CTDSPL2: variants seen among roughly 807,000 people sequenced by gnomAD.
CTDSPL2 encodes CTD small phosphatase like 2, also known as CTD small phosphatase-like protein 2.
CTDSPL2 carries 5 observed loss-of-function variants against 60.0 expected under a neutral mutation model. That is an observed-to-expected ratio of 0.08 (90% CI 0.04 to 0.18). The LOEUF is 0.18. Ranked by LOEUF, CTDSPL2 falls within the 10% of genes least tolerant of loss-of-function variation. The pLI, the probability that CTDSPL2 is intolerant of heterozygous loss-of-function variation, is 1.00. For missense variants in CTDSPL2, 370 were observed against 548.8 expected, an observed-to-expected ratio of 0.67 and a Z score of 3.26; for synonymous variants, 186 against 189.3, an observed-to-expected ratio of 0.98 and a Z score of 0.14.
chr15:44,495,231 A>G (rs1352371843), intron 5 of CTDSPL2, among the ~76,000 whole-genome samples: 16 of 152,088 alleles, frequency 1.1e-4, no homozygotes, highest in Non-Finnish European at 2.4e-4. Context: ...TGGCCTCCCA[A>G]AGTGCTGGGA....
In CTDSPL2 at chr15:44,524,720, AG is replaced by A. The variant is rs1188280055; in HGVS notation, c.*547del. 6.6e-6 allele frequency: 1 copy of A among 152,670 alleles called. No homozygotes were observed. The highest frequency in any genetic ancestry group is 1.5e-5 in the Non-Finnish European group (1 of 68,088). The allele number at this position is 152,670 out of a possible 1,614,324, so 9.5% of individuals were successfully genotyped here. ...ATTCCTTTTAGTTGAGGCGCTTCAT[AG>A]TTTTCTGGAGATAGTCAATTTTTAG... is the stretch of plus-strand genomic sequence containing the variant. On this transcript the variant is annotated 3_prime_UTR_variant, in exon 13 of 13. Coordinates refer to ENST00000260327, the MANE Select transcript of CTDSPL2 (RefSeq NM_016396.3).
rs952768099 is a variant in CTDSPL2, at chr15:44,528,857, G to A, written c.*4683G>A. 6.6e-6 allele frequency: 1 copy of A among 152,162 alleles called. No individual in the cohort carries two copies. The highest frequency in any genetic ancestry group is 6.5e-5 in the Admixed American group (1 of 15,284). 9.4% of individuals were successfully genotyped at this position (152,162 alleles called of 1,614,324 possible). A position where few individuals can be genotyped will look rare whatever the true frequency, so the allele number is the denominator to read the frequency against. On this transcript the variant is annotated 3_prime_UTR_variant, in exon 13 of 13. Transcript: ENST00000260327. ...GGGGAGTTAATATTCTCTCTGCCTT[G>A]TTTCCACGTGAATCAATATTAAAGT...
chr15:44,428,291 A>G (rs1311848966), intron 1 of CTDSPL2, among the ~76,000 whole-genome samples: 1 of 152,162 alleles, frequency 6.6e-6, no homozygotes, highest in Non-Finnish European at 1.5e-5. Flanking sequence ...TCTCGAGTTG[A>G]CATTGTTACT....
chr15:44,460,146 C>G (rs1392806585), intron 2 of CTDSPL2, among the ~76,000 whole-genome samples: 2 of 152,162 alleles, frequency 1.3e-5, no homozygotes, highest in Non-Finnish European at 1.5e-5. Flanking sequence ...GAGTCTTGCT[C>G]TGTCTCCAGG....
At chr15:44,473,063 C>T (rs996645608) in intron 2 of CTDSPL2, among the ~76,000 whole-genome samples, 2 of 152,206 alleles carry the variant, frequency 1.3e-5, no homozygotes, top group Admixed American at 6.5e-5. Context: ...TCCCAAAGTG[C>T]TGGGATTACA....
chr15:44,429,306 G>A (rs1030012806), intron 1 of CTDSPL2, among the ~76,000 whole-genome samples: 2 of 152,148 alleles, frequency 1.3e-5, no homozygotes, highest in Non-Finnish European at 2.9e-5. Flanking sequence ...GTACAGGCAC[G>A]TTAACTACTT....
intron 2 of CTDSPL2, among the ~76,000 whole-genome samples, chr15:44,463,598 C>T (rs1379843223): frequency 2.0e-5 from 3 of 152,094 alleles, no homozygotes; most frequent in Non-Finnish European, 4.4e-5. Flanking sequence ...GGAGTGAAAT[C>T]ACAATTGTAT....
At chr15:44,489,135 C>G (rs1196170908) in intron 4 of CTDSPL2, among the ~76,000 whole-genome samples, 1 of 149,998 alleles carries the variant, frequency 6.7e-6, no homozygotes, top group Admixed American at 6.7e-5. Flanking sequence ...GTCTCTTCCC[C>G]CCTCCCCCCC....
chr15:44,465,375 A>G (rs2080664721), intron 2 of CTDSPL2, among the ~76,000 whole-genome samples: 1 of 152,166 alleles, frequency 6.6e-6, no homozygotes, highest in Non-Finnish European at 1.5e-5. Context: ...ATTCTTAACT[A>G]AATGATGTTA....
chr15:44,453,176 A>T (rs2080364812), intron 1 of CTDSPL2, among the ~76,000 whole-genome samples: 1 of 152,070 alleles, frequency 6.6e-6, no homozygotes, highest in South Asian at 2.1e-4. Flanking sequence ...TTCCAGTAAA[A>T]TGTTGAATAG....
intron 2 of CTDSPL2, among the ~76,000 whole-genome samples, chr15:44,481,982 T>C (rs1224477424): frequency 6.6e-6 from 1 of 152,212 alleles, no homozygotes. Context: ...GCATTTCCTT[T>C]TGTACCCAAC....
chr15:44,489,140 C>T (rs28416428), intron 4 of CTDSPL2, among the ~76,000 whole-genome samples: 2 of 149,386 alleles, frequency 1.3e-5, no homozygotes, highest in Admixed American at 6.7e-5. Flanking sequence ...TTCCCCCCTC[C>T]CCCCCACCTA....
intron 2 of CTDSPL2, among the ~76,000 whole-genome samples, chr15:44,471,845 T>C (rs1361508367): frequency 6.6e-6 from 1 of 152,142 alleles, no homozygotes; most frequent in Non-Finnish European, 1.5e-5. Context: ...TTTTGGACAT[T>C]TCATGTAAAT....
intron 2 of CTDSPL2, among the ~76,000 whole-genome samples, chr15:44,473,844 A>G (rs1567080329): frequency 6.6e-6 from 1 of 152,184 alleles, no homozygotes; most frequent in Non-Finnish European, 1.5e-5. Context: ...AGTATTTGAT[A>G]TTGTAAGTCT....
intron 1 of CTDSPL2, among the ~76,000 whole-genome samples, chr15:44,453,123 A>G (rs2080363810): frequency 6.6e-6 from 1 of 151,900 alleles, no homozygotes. Context: ...TCTTTTTAAT[A>G]TGGATTTCTT....
intron 2 of CTDSPL2, among the ~76,000 whole-genome samples, chr15:44,460,171 C>T (rs2080535962): frequency 6.6e-6 from 1 of 152,092 alleles, no homozygotes. Context: ...AGTGCAGTGG[C>T]GCATTCTCCG....
At chr15:44,508,152 A>G (rs2081503746) in intron 8 of CTDSPL2, among the ~76,000 whole-genome samples, 1 of 151,454 alleles carries the variant, frequency 6.6e-6, no homozygotes, top group Admixed American at 6.6e-5. Flanking sequence ...ACATGATCAC[A>G]TCTCACTGCA....
chr15:44,501,848 A>G (rs1389436613), intron 8 of CTDSPL2: 5 of 351,520 alleles, frequency 1.4e-5, no homozygotes, highest in East Asian at 7.7e-5. Context: ...TTATTTTGGC[A>G]TAGCCATTCT....
At chr15:44,427,807 C>T (rs1265159116) in intron 1 of CTDSPL2, 35 bp downstream of exon 1, 1 of 398,138 alleles carries the variant, frequency 2.5e-6, no homozygotes, top group African/African-American at 2.1e-5. Flanking sequence ...CCGCTGCTTC[C>T]AATCTCAGTC....
Sources: allele counts gnomAD v4.1 joint callset (sites outside exome capture counted in the v4.1 genomes callset), GRCh38; gene constraint gnomAD v4.1.1; transcripts MANE v1.5; gene names NCBI Gene and HGNC (gene_info 2026-07-23, HGNC 2026-07-21).